DLG1: variants seen among roughly 807,000 people sequenced by gnomAD.
The protein encoded by DLG1 is disks large homolog 1.
In DLG1, 42 loss-of-function variants were observed where a neutral mutation model predicts 123.4. The observed-to-expected ratio is 0.34, with a 90% CI of 0.27 to 0.44. DLG1 has a LOEUF of 0.44. DLG1 is among the 20% of genes least tolerant of loss of function. The pLI is 1.00. For synonymous variants in DLG1, 317 were observed against 356.2 expected, an observed-to-expected ratio of 0.89 and a Z score of 1.24; for missense variants, 942 against 1,082.6, an observed-to-expected ratio of 0.87 and a Z score of 1.82.
intron 4 of DLG1, among the ~76,000 whole-genome samples, chr3:197,229,626 C>A (rs1741820968): frequency 6.6e-6 from 1 of 152,154 alleles, no homozygotes; most frequent in African/African-American, 2.4e-5. Flanking sequence ...CTTCTATTAA[C>A]ATTGCCTATA....
intron 23 of DLG1, among the ~76,000 whole-genome samples, chr3:197,053,329 A>G (rs1030537999): frequency 6.6e-6 from 1 of 152,164 alleles, no homozygotes; most frequent in Non-Finnish European, 1.5e-5. Flanking sequence ...AAACTCTTTC[A>G]GTTTTAATTT....
intron 4 of DLG1, among the ~76,000 whole-genome samples, chr3:197,257,523 G>T (rs1419159371): frequency 6.6e-6 from 1 of 152,044 alleles, no homozygotes; most frequent in Non-Finnish European, 1.5e-5. Flanking sequence ...CTAAAATAAA[G>T]GCAGCAAAAA....
At chr3:197,227,013 A>T (rs1448682913) in intron 4 of DLG1, among the ~76,000 whole-genome samples, 1 of 152,246 alleles carries the variant, frequency 6.6e-6, no homozygotes, top group African/African-American at 2.4e-5. Flanking sequence ...TTAAATGGAC[A>T]GTATTTATTG....
chr3:197,119,876 G>C (rs1775342171), intron 11 of DLG1, among the ~76,000 whole-genome samples: 1 of 151,520 alleles, frequency 6.6e-6, no homozygotes, highest in Non-Finnish European at 1.5e-5. Context: ...CCTTATACTA[G>C]CTCAGATCTG....
At chr3:197,202,929 T>C (rs2150340672) in intron 4 of DLG1, among the ~76,000 whole-genome samples, 1 of 152,274 alleles carries the variant, frequency 6.6e-6, no homozygotes, top group East Asian at 1.9e-4. Context: ...AGATTTGTCT[T>C]AACAGTGACA....
rs556778369 is a variant in DLG1 at position 197,260,067 on chromosome 3, G to A, written c.318+22612C>T. Among the ~76,000 whole-genome samples the A allele has an allele frequency of 2.0e-5, 3 of 152,248 alleles. No homozygotes were observed. The East Asian group carries it at 5.8e-4, about 29-fold the overall frequency. ...CAGGGAAAAAACATCTGTGCAACAC[G>A]CTTTTGGCTATCTAAAACACATTTC... On this transcript the variant is annotated intron_variant, in intron 4 of 24. Coordinates refer to ENST00000667157, the MANE Select transcript of DLG1 (RefSeq NM_001366207.1).
chr3:197,063,773 T>C (rs1737467787), intron 22 of DLG1, among the ~76,000 whole-genome samples: 1 of 152,148 alleles, frequency 6.6e-6, no homozygotes, highest in Non-Finnish European at 1.5e-5. Flanking sequence ...AGCTGCTAGA[T>C]ATTGCCAAAT....
chr3:197,276,789 T>C (rs1471799536), intron 4 of DLG1, among the ~76,000 whole-genome samples: 1 of 152,158 alleles, frequency 6.6e-6, no homozygotes, highest in Non-Finnish European at 1.5e-5. Context: ...TTCTATAAAG[T>C]CAGCAGCATT....
chr3:197,151,361 A>G (rs1175193725), intron 5 of DLG1, among the ~76,000 whole-genome samples: 7 of 152,182 alleles, frequency 4.6e-5, no homozygotes, highest in African/African-American at 1.7e-4. Context: ...AATTTATACC[A>G]TAATTATTAT....
rs143617900 is a variant in DLG1, at chr3:197,188,666, G to C, written c.483+5759C>G. 3.9e-3 allele frequency among the ~76,000 whole-genome samples: 592 copies of C among 152,146 alleles called. 3 individuals carry two copies. The highest frequency in any genetic ancestry group is 0.013 in the African/African-American group (556 of 41,512). ...TCATATACTGACTTCTACATGCAGC[G>C]TAACAGCTGTTCACTCCAAACCACA... On this transcript the variant is annotated intron_variant, in intron 5 of 24. Transcript: ENST00000667157.
Position 197,286,894 on chromosome 3 carries a change from C to CA in DLG1, c.152-4050_152-4049insT, listed in dbSNP as rs560758145. ...ATACAAGAGCCACCTGAGCTCAGGCCTTTTTTTTTTTTAAAGAGACAGAGT... is the reference window on the plus strand; with the variant it reads ...ATACAAGAGCCACCTGAGCTCAGGCCATTTTTTTTTTTTAAAGAGACAGAGT... On this transcript the variant is annotated intron_variant, in intron 3 of 24. Transcript: ENST00000667157. 3.7e-3 allele frequency among the ~76,000 whole-genome samples: 530 copies of CA among 143,628 alleles called. 3 individuals carry two copies. The highest frequency in any genetic ancestry group is 0.011 in the South Asian group (49 of 4,474). The allele number at this position is 143,628 out of a possible 152,430, so 94.2% of individuals were successfully genotyped here.
intron 4 of DLG1, among the ~76,000 whole-genome samples, chr3:197,265,822 A>T (rs1379221425): frequency 1.3e-5 from 2 of 152,170 alleles, no homozygotes; most frequent in African/African-American, 4.8e-5. Context: ...GAGGCCAAGG[A>T]GAGTGGATCA....
rs1483492613 is a variant in DLG1 at position 197,280,335 on chromosome 3, TTTTGTG to T, written c.318+2338_318+2343del. On this transcript the variant is annotated intron_variant, in intron 4 of 24. Transcript: ENST00000667157. Reference sequence around the variant, plus strand: ...CTTTTTATGGCTGAATAGTAGTCCATTTTGTGTGTGTGTGTGTGTGTGTGTGTGTGT... The same window carrying T: ...CTTTTTATGGCTGAATAGTAGTCCATTGTGTGTGTGTGTGTGTGTGTGTGT... Among the ~76,000 whole-genome samples the T allele has an allele frequency of 4.4e-5, 4 of 90,840 alleles. 1 individual carries two copies. Among genetic ancestry groups the T allele is most frequent in the Non-Finnish European group, 9.3e-5 (4 of 43,186 alleles). 59.6% of individuals were successfully genotyped at this position (90,840 alleles called of 152,430 possible). A position where few individuals can be genotyped will look rare whatever the true frequency, so the allele number is the denominator to read the frequency against.
At chr3:197,245,486 T>C (rs1751175659) in intron 4 of DLG1, among the ~76,000 whole-genome samples, 1 of 152,160 alleles carries the variant, frequency 6.6e-6, no homozygotes, top group Non-Finnish European at 1.5e-5. Flanking sequence ...GGTTTATTAG[T>C]TTTCTTACAT....
At position 197,074,578 on chromosome 3, in the gene DLG1, C is replaced by A. The variant is rs149782079; in HGVS notation, c.2005+2008G>T. ...TATGTTATCAATCTCAAAATAAATT[C>A]TATAGCATACATAAACTGTGGTAGT... is the stretch of plus-strand genomic sequence containing the variant. On this transcript the variant is annotated intron_variant, in intron 18 of 24. Coordinates refer to ENST00000667157, the MANE Select transcript of DLG1 (RefSeq NM_001366207.1). 3.7e-4 allele frequency among the ~76,000 whole-genome samples: 57 copies of A among 152,116 alleles called. 1 individual carries two copies. In the East Asian group the frequency reaches 8.7e-3, roughly 23 times the overall value.
At chr3:197,211,851 C>A (rs1389787629) in intron 4 of DLG1, among the ~76,000 whole-genome samples, 1 of 146,226 alleles carries the variant, frequency 6.8e-6, no homozygotes, top group Non-Finnish European at 1.5e-5. Flanking sequence ...ACATGGACAT[C>A]AATGACAGAC....
chr3:197,173,289 G>A (rs1333458478), intron 5 of DLG1, among the ~76,000 whole-genome samples: 3 of 152,046 alleles, frequency 2.0e-5, no homozygotes, highest in Non-Finnish European at 2.9e-5. Flanking sequence ...TGGATAAAAG[G>A]GTAGTTGATA....
chr3:197,062,557 C>T (rs932766425), intron 22 of DLG1, among the ~76,000 whole-genome samples: 9 of 152,252 alleles, frequency 5.9e-5, no homozygotes, highest in African/African-American at 2.2e-4. Flanking sequence ...CAGCTTGGTT[C>T]CTTTGCCTTT....
At chr3:197,085,036 C>A (rs1264581922) in intron 16 of DLG1, among the ~76,000 whole-genome samples, 2 of 151,706 alleles carry the variant, frequency 1.3e-5, no homozygotes, top group Non-Finnish European at 2.9e-5. Context: ...ATCCACCCGC[C>A]TCAGCCTCCC....
Sources: gnomAD v4.1 joint callset for allele counts (sites outside exome capture counted in the v4.1 genomes callset) on GRCh38, gnomAD v4.1.1 for gene constraint, MANE v1.5 for transcripts, NCBI Gene and HGNC (gene_info 2026-07-23, HGNC 2026-07-21) for gene names.